The following OSBPL6 variants were observed in gnomAD, a reference collection of about 807,000 sequenced individuals.
OSBPL6 encodes the protein oxysterol binding protein like 6.
Under a neutral mutation model 125.8 loss-of-function variants are expected in OSBPL6, and 49 were observed. The ratio of observed to expected loss-of-function variants is 0.39; its 90% confidence interval spans 0.31 to 0.49. The LOEUF is 0.49. OSBPL6 is among the 20% of genes least tolerant of loss of function. The probability of loss-of-function intolerance (pLI) is 0.88; values close to 1 mark genes in which losing one functional copy is unlikely to be tolerated. For missense variants in OSBPL6, 986 were observed against 1,135.4 expected (o/e 0.87, Z 1.89); for synonymous variants, 394 against 391.8 (o/e 1.01, Z -0.07).
intron 11 of OSBPL6, among the ~76,000 whole-genome samples, chr2:178,345,618 C>A (rs187702449): frequency 3.9e-4 from 59 of 152,268 alleles, no homozygotes; most frequent in African/African-American, 1.3e-3. Flanking sequence ...GTAACAGATT[C>A]TGACAATAGA....
intron 3 of OSBPL6, among the ~76,000 whole-genome samples, chr2:178,309,822 G>A (rs765066803): frequency 1.3e-5 from 2 of 152,136 alleles, no homozygotes; most frequent in East Asian, 3.8e-4. Flanking sequence ...GGGAGCATAA[G>A]GGTTGTTGAT....
chr2:178,218,975 A>G (rs531376437), intron 1 of OSBPL6, among the ~76,000 whole-genome samples: 66 of 151,668 alleles, frequency 4.4e-4, no homozygotes, highest in African/African-American at 1.5e-3. Context: ...TCTTGTACAT[A>G]ATTCTTTGCT....
At chr2:178,273,425 C>G (rs966339109) in intron 1 of OSBPL6, among the ~76,000 whole-genome samples, 2 of 151,958 alleles carry the variant, frequency 1.3e-5, no homozygotes, top group African/African-American at 4.8e-5. Flanking sequence ...CCCATCTCTA[C>G]AAAAAATAGC....
intron 13 of OSBPL6, among the ~76,000 whole-genome samples, chr2:178,368,590 T>A (rs1693073592): frequency 6.6e-6 from 1 of 152,080 alleles, no homozygotes; most frequent in Non-Finnish European, 1.5e-5. Context: ...GGAACCAAAC[T>A]GTTTTCTTTT....
At chr2:178,228,265 G>T (rs75652817) in intron 1 of OSBPL6, among the ~76,000 whole-genome samples, 3 of 151,532 alleles carry the variant, frequency 2.0e-5, no homozygotes, top group Non-Finnish European at 2.9e-5. Flanking sequence ...GCCGGGCGCG[G>T]TGGCTCATGC....
At chr2:178,295,242 C>A (rs1256379338) in intron 2 of OSBPL6, among the ~76,000 whole-genome samples, 1 of 152,104 alleles carries the variant, frequency 6.6e-6, no homozygotes, top group African/African-American at 2.4e-5. Flanking sequence ...AACAGACCTG[C>A]CTGCCATGGG....
At chr2:178,324,419 TAG>T in intron 4 of OSBPL6, 150 bp downstream of exon 4, 4 of 532,962 alleles carry the variant, frequency 7.5e-6, no homozygotes, top group Non-Finnish European at 1.4e-5. Flanking sequence ...TTCCAAGGAG[TAG>T]AGTTTCTCTG....
chr2:178,272,726 T>C (rs1225918201), intron 1 of OSBPL6, among the ~76,000 whole-genome samples: 1 of 152,226 alleles, frequency 6.6e-6, no homozygotes, highest in Non-Finnish European at 1.5e-5. Flanking sequence ...TGCAGGTACT[T>C]GTCCATTTGG....
rs1696135693 is a variant in OSBPL6, at chr2:178,402,871, CAATAAAT to C, written c.*7313_*7319del. Reference sequence around the variant, plus strand: ...TACATTTGTAACAGCACAGGAAACTCAATAAATTATAAATGAATTACATAAAGAGATT... The same window carrying C: ...TACATTTGTAACAGCACAGGAAACTCTATAAATGAATTACATAAAGAGATT... On this transcript the variant is annotated 3_prime_UTR_variant, in exon 25 of 25. Coordinates refer to ENST00000190611, the MANE Select transcript of OSBPL6 (RefSeq NM_032523.4). 6.6e-6 allele frequency: 1 copy of C among 152,078 alleles called. No individual in the cohort carries two copies. The highest frequency in any genetic ancestry group is 6.6e-5 in the Admixed American group (1 of 15,262). 9.4% of individuals were successfully genotyped at this position (152,078 alleles called of 1,614,324 possible). A position where few individuals can be genotyped will look rare whatever the true frequency, so the allele number is the denominator to read the frequency against.
chr2:178,320,523 A>G, intron 3 of OSBPL6: 7 of 1,005,632 alleles, frequency 7.0e-6, no homozygotes, highest in South Asian at 1.6e-5. Flanking sequence ...ACTGGTTTAC[A>G]TAACCCTTTA....
chr2:178,303,640 C>T (rs1268971346), intron 2 of OSBPL6, among the ~76,000 whole-genome samples: 2 of 152,184 alleles, frequency 1.3e-5, no homozygotes, highest in African/African-American at 4.8e-5. Context: ...CCTACATTTC[C>T]AAGAGTTTGT....
Position 178,392,497 on chromosome 2 carries a change from T to C in OSBPL6, c.2532T>C (p.Asp844=). ...ATGAGTTAGATCCAGTACTAAAAGATCTCCTTCCACCAACAGACGCCCGGT... is the reference window on the plus strand; with the variant it reads ...ATGAGTTAGATCCAGTACTAAAAGACCTCCTTCCACCAACAGACGCCCGGT... The part of the protein sequence containing the change: ...ELNELDPVLK[D]LLPPTDARFR... The change falls in exon 23 of 25, where the codon GAT becomes GAC. Residue 844 remains aspartate, a synonymous_variant. Transcript: ENST00000190611. 6.2e-7 allele frequency: 1 copy of C among 1,614,054 alleles called. No individual in the cohort carries two copies. The highest frequency in any genetic ancestry group is 8.5e-7 in the Non-Finnish European group (1 of 1,179,992).
At chr2:178,390,101 G>A (rs1695272020) in intron 21 of OSBPL6, among the ~76,000 whole-genome samples, 1 of 152,188 alleles carries the variant, frequency 6.6e-6, no homozygotes, top group Non-Finnish European at 1.5e-5. Context: ...AAGCTGCAGT[G>A]CAGTCCTGTC....
intron 1 of OSBPL6, among the ~76,000 whole-genome samples, chr2:178,239,800 T>G (rs1020938050): frequency 6.6e-6 from 1 of 151,450 alleles, no homozygotes; most frequent in African/African-American, 2.4e-5. Context: ...TAATTTTTTT[T>G]GTATTTTTAG....
chr2:178,245,106 T>G (rs1316183037), intron 1 of OSBPL6, among the ~76,000 whole-genome samples: 2 of 152,192 alleles, frequency 1.3e-5, no homozygotes, highest in Admixed American at 6.5e-5. Context: ...AACTCAAGCG[T>G]GTCTTTCGTT....
At chr2:178,381,977 C>T (rs1173576963) in intron 15 of OSBPL6, among the ~76,000 whole-genome samples, 1 of 152,190 alleles carries the variant, frequency 6.6e-6, no homozygotes, top group African/African-American at 2.4e-5. Context: ...AATAACTGGG[C>T]AACTCCTATT....
intron 15 of OSBPL6, among the ~76,000 whole-genome samples, chr2:178,376,609 G>A (rs56303928): frequency 0.21 from 32,201 of 151,906 alleles, 3,637 homozygotes; most frequent in East Asian, 0.31. Flanking sequence ...GATCATGTCC[G>A]TATTCCTAAG....
In OSBPL6 at chr2:178,228,790, C is replaced by T. The variant is rs187510505; in HGVS notation, c.-351+34116C>T. Among the ~76,000 whole-genome samples, 234 of 152,128 alleles carry T rather than the reference C, an allele frequency of 1.5e-3. 2 individuals carry two copies. Among genetic ancestry groups the T allele is most frequent in the African/African-American group, 5.5e-3 (228 of 41,512 alleles). ...CATCTGAACTTGGATGCTAAATTTT[C>T]ATCAGAAATACTTGATCTATATTTA... On this transcript the variant is annotated intron_variant, in intron 1 of 24. Coordinates refer to ENST00000190611, the MANE Select transcript of OSBPL6 (RefSeq NM_032523.4).
intron 23 of OSBPL6, 138 bp downstream of exon 23, chr2:178,392,676 T>A: frequency 9.0e-7 from 1 of 1,115,946 alleles, no homozygotes; most frequent in Non-Finnish European, 1.2e-6. Context: ...GACAATATAG[T>A]GAGACTCTAT....
Sources: allele counts gnomAD v4.1 joint callset (sites outside exome capture counted in the v4.1 genomes callset), GRCh38; gene constraint gnomAD v4.1.1; transcripts MANE v1.5; gene names NCBI Gene and HGNC (gene_info 2026-07-23, HGNC 2026-07-21).